The following ITGA3 variants were observed in gnomAD, a reference collection of about 807,000 sequenced individuals.
ITGA3 encodes the protein integrin subunit alpha 3, also known as integrin alpha-3.
A neutral mutation model predicts 131.1 loss-of-function variants in ITGA3; 70 were observed. The ratio of observed to expected loss-of-function variants is 0.53; its 90% CI spans 0.44 to 0.65. The LOEUF (loss-of-function observed/expected upper bound fraction) is 0.65, where lower values mean the gene tolerates loss of function less well. Among genes scored for constraint, ITGA3 ranks in the 30% least tolerant of loss-of-function variants. The pLI is 0.00. For missense variants in ITGA3, 1,098 were observed against 1,388.6 expected, an observed-to-expected ratio of 0.79 and a Z score of 3.33; for synonymous variants, 537 against 571.6, an observed-to-expected ratio of 0.94 and a Z score of 0.86.
intron 24 of ITGA3, 162 bp from the exon 25 acceptor site, chr17:50,088,063 A>G: frequency 8.1e-7 from 1 of 1,232,578 alleles, no homozygotes; most frequent in Non-Finnish European, 1.1e-6. Context: ...TGCAAGCTGG[A>G]AAGGGGGACC....
chr17:50,071,210 C>A, intron 5 of ITGA3, 101 bp from the exon 6 acceptor site: 1 of 1,079,278 alleles, frequency 9.3e-7, no homozygotes, highest in Non-Finnish European at 1.4e-6. Context: ...TGGGATAGAA[C>A]ATCATGGTGG....
chr17:50,066,151 C>T (rs1311380029), intron 3 of ITGA3: 1 of 151,898 alleles, frequency 6.6e-6, no homozygotes, highest in Non-Finnish European at 1.5e-5. Context: ...GCCTTAGCCT[C>T]CCAAGCTAAT....
At position 50,056,693 on chromosome 17, in the gene ITGA3, C is replaced by A. The variant is rs1382006252; in HGVS notation, c.206+48C>A. On this transcript the variant is annotated intron_variant, in intron 1 of 25. Coordinates refer to ENST00000320031, the MANE Select transcript of ITGA3 (RefSeq NM_002204.4). This position sits in a 1 kb window ranked among gnomAD's most constrained non-coding sequence, Gnocchi z 5.6. ...GGGTGGGAGCGAGAGAGTGTGCGAGCGCGGGATGCGGGTCCGGAGCTGAGT... is the reference window on the plus strand; with the variant it reads ...GGGTGGGAGCGAGAGAGTGTGCGAGAGCGGGATGCGGGTCCGGAGCTGAGT... The A allele has an allele frequency of 3.9e-6, 6 of 1,536,658 alleles. No individual in the cohort carries two copies. The highest frequency in any genetic ancestry group is 2.8e-5 in the African/African-American group (2 of 72,266).
At chr17:50,066,497 T>TC (rs1908353999) in intron 3 of ITGA3, among the ~76,000 whole-genome samples, 1 of 152,016 alleles carries the variant, frequency 6.6e-6, no homozygotes, top group Non-Finnish European at 1.5e-5. Context: ...TTTCTCATTT[T>TC]AAAATTTGAT....
At chr17:50,086,241 G>T (rs370577690) in intron 23 of ITGA3, 2 of 7,924 alleles carry the variant, frequency 2.5e-4, no homozygotes, top group Non-Finnish European at 1.5e-3. Context: ...TATTATACAT[G>T]TATAATATAT....
In ITGA3 at chr17:50,076,456, C is replaced by T; in HGVS notation, c.1805C>T (p.Ala602Val). 6.2e-7 allele frequency: 1 copy of T among 1,609,682 alleles called. No homozygotes were observed. The highest frequency in any genetic ancestry group is 1.7e-5 in the Admixed American group (1 of 60,020). The change falls in exon 13 of 26, where the codon GCT (alanine) becomes GTT (valine). Residue 602 changes from alanine (A) to valine (V), a missense_variant. Ala to Val is a moderately conservative substitution (Grantham distance 64). Coordinates refer to ENST00000320031, the MANE Select transcript of ITGA3 (RefSeq NM_002204.4). Reference protein sequence around the residue: ...DAYPILNQAQALENHTEVQFQ... With the variant: ...DAYPILNQAQVLENHTEVQFQ... ...TACCCGATCCTCAACCAGGCACAGG[C>T]TCTGGAGAACCACACTGAGGTGAGT... is the stretch of plus-strand genomic sequence containing the variant.
chr17:50,080,001 C>T (rs180908947), intron 21 of ITGA3, among the ~76,000 whole-genome samples: 4 of 152,184 alleles, frequency 2.6e-5, no homozygotes, highest in Admixed American at 6.5e-5. Context: ...CAGGTGTAGG[C>T]GGTTGGGCCC....
rs768297749 is a variant in ITGA3 at position 50,058,348 on chromosome 17, G to A, written c.206+1703G>A. Among the ~76,000 whole-genome samples the A allele has an allele frequency of 4.6e-5, 7 of 152,284 alleles. No individual in the cohort carries two copies. In the South Asian group the frequency reaches 6.2e-4, roughly 14 times the overall value. ...TACCAATACCTGAACCTGAATTTCC[G>A]CACATGTTGGAGGGAGGGGAACAGC... is the stretch of plus-strand genomic sequence containing the variant. On this transcript the variant is annotated intron_variant, in intron 1 of 25. Transcript: ENST00000320031.
chr17:50,075,305 G>T (rs2144291254), intron 10 of ITGA3, among the ~76,000 whole-genome samples, 154 bp from the exon 11 acceptor site: 1 of 152,270 alleles, frequency 6.6e-6, no homozygotes, highest in Admixed American at 6.5e-5. Context: ...AAGGGGTCAG[G>T]GACACCACAG....
At position 50,088,308 on chromosome 17, in the gene ITGA3, G is replaced by T; in HGVS notation, c.3129G>T (p.Glu1043Asp). The T allele has an allele frequency of 6.3e-7, 1 of 1,586,758 alleles. No individual in the cohort carries two copies. Among genetic ancestry groups the T allele is most frequent in the South Asian group, 1.1e-5 (1 of 87,242 alleles). The change falls in exon 25 of 26, where the codon GAG becomes GAT. Residue 1043 changes from glutamate (E) to aspartate (D), a missense_variant. Glu to Asp is a conservative substitution (Grantham distance 45). Around this residue, in one of 3 missense-constraint regions of ITGA3, gnomAD observed 699 missense variants for 829.2 expected, o/e 0.84. Transcript: ENST00000320031. ...CGGAGATGAAGAGCCAGCCGTCAGA[G>T]ACAGAGAGGCTGACCGACGACTACT... ...QKAEMKSQPS[E>D]TERLTDDY
At chr17:50,067,942 A>G in intron 3 of ITGA3, 114 bp from the exon 4 acceptor site, 2 of 1,356,314 alleles carry the variant, frequency 1.5e-6, no homozygotes, top group South Asian at 2.7e-5. Flanking sequence ...AGGAGAAGCC[A>G]GGAGATCTCC....
chr17:50,056,323 G>T lies in ITGA3; in HGVS notation c.-117G>T. The T allele has an allele frequency of 1.5e-6, 1 of 653,202 alleles. No homozygotes were observed. The highest frequency in any genetic ancestry group is 3.3e-5 in the East Asian group (1 of 29,954). The allele number at this position is 653,202 out of a possible 1,614,324, so 40.5% of individuals were successfully genotyped here. A position where few individuals can be genotyped will look rare whatever the true frequency, so the allele number is the denominator to read the frequency against. On this transcript the variant is annotated 5_prime_UTR_variant, in exon 1 of 26. Transcript: ENST00000320031. This position sits in a 1 kb window ranked among gnomAD's most constrained non-coding sequence, Gnocchi z 5.6. ...ACGAAACCGATCAGCGCTACGGAGC[G>T]CAGCGGCCGGCGGGTTCCAGTGTCC...
chr17:50,080,505 TGA>T (rs1567704000), intron 22 of ITGA3, 130 bp downstream of exon 22: 17 of 527,042 alleles, frequency 3.2e-5, no homozygotes, highest in Middle Eastern at 4.8e-4. Context: ...TGTGTGTGTG[TGA>T]TTTGCGTGTC....
intron 25 of ITGA3, among the ~76,000 whole-genome samples, 159 bp from the exon 26 acceptor site, chr17:50,088,951 A>G (rs191147499): frequency 2.6e-5 from 4 of 151,312 alleles, no homozygotes; most frequent in South Asian, 2.1e-4. Context: ...GGGTGGAGAA[A>G]CTCATCCTCC....
intron 7 of ITGA3, among the ~76,000 whole-genome samples, 199 bp downstream of exon 7, chr17:50,072,381 T>G (rs1257858193): frequency 6.6e-6 from 1 of 152,090 alleles, no homozygotes; most frequent in African/African-American, 2.4e-5. Context: ...GCAAGCTCAG[T>G]GGGCCTCCTG....
At chr17:50,076,296 G>C in intron 12 of ITGA3, 30 bp from the exon 13 acceptor site, 1 of 1,606,776 alleles carries the variant, frequency 6.2e-7, no homozygotes, top group Non-Finnish European at 8.5e-7. Flanking sequence ...AGCAGTGCAG[G>C]GCCGGGCTCA....
At position 50,078,149 on chromosome 17, in the gene ITGA3, C is replaced by T. The variant is rs1909008396; in HGVS notation, c.2219+24C>T. ...ACGTGAGTGACCTCGAAAAGCCAGTCTGGGTCAGGGCTGAGGTATCTTGGA... is the reference window on the plus strand; with the variant it reads ...ACGTGAGTGACCTCGAAAAGCCAGTTTGGGTCAGGGCTGAGGTATCTTGGA... On this transcript the variant is annotated intron_variant, in intron 17 of 25. Coordinates refer to ENST00000320031, the MANE Select transcript of ITGA3 (RefSeq NM_002204.4). The T allele has an allele frequency of 1.9e-6, 3 of 1,613,126 alleles. No homozygotes were observed. The African/African-American group carries it at 4.0e-5, about 22-fold the overall frequency.
chr17:50,061,897 G>A (rs978743396), intron 1 of ITGA3, among the ~76,000 whole-genome samples: 1 of 152,050 alleles, frequency 6.6e-6, no homozygotes, highest in Non-Finnish European at 1.5e-5. Context: ...AAAATTAGCT[G>A]GGCGTGGTGG....
rs1170978572 is a variant in ITGA3 at position 50,064,969 on chromosome 17, T to G, written c.414+362T>G. ...CTCAGCGCTGGCTGGCGCTCCTTCCTGGGAGGCTGACTGCCGGAAGAGGCC... is the reference window on the plus strand; with the variant it reads ...CTCAGCGCTGGCTGGCGCTCCTTCCGGGGAGGCTGACTGCCGGAAGAGGCC... On this transcript the variant is annotated intron_variant, in intron 3 of 25. Coordinates refer to ENST00000320031, the MANE Select transcript of ITGA3 (RefSeq NM_002204.4). The surrounding 1 kb of genome is among the most constrained non-coding windows in gnomAD (Gnocchi z 4.4). The G allele has an allele frequency of 5.5e-6, 1 of 181,562 alleles. No individual in the cohort carries two copies. Among genetic ancestry groups the G allele is most frequent in the Admixed American group, 6.0e-5 (1 of 16,612 alleles). The allele number at this position is 181,562 out of a possible 1,614,324, so 11.2% of individuals were successfully genotyped here. A position where few individuals can be genotyped will look rare whatever the true frequency, so the allele number is the denominator to read the frequency against.
Sources: gnomAD v4.1 joint callset for allele counts (sites outside exome capture counted in the v4.1 genomes callset) on GRCh38, gnomAD v4.1.1 for gene constraint, gnomAD v4.1.1 regional missense constraint, Gnocchi (gnomAD v3.1) non-coding constraint, MANE v1.5 for transcripts, NCBI Gene and HGNC (gene_info 2026-07-23, HGNC 2026-07-21) for gene names.